The following ARRB1 variants were observed in gnomAD, a reference collection of about 807,000 sequenced individuals.
ARRB1 encodes the protein arrestin beta 1.
In ARRB1, 21 loss-of-function variants were observed where a neutral mutation model predicts 56.8. The observed-to-expected ratio is 0.37, with a 90% CI of 0.26 to 0.53. ARRB1 has a LOEUF of 0.53. Ranked by LOEUF, ARRB1 falls within the 20% of genes least tolerant of loss-of-function variation. The pLI, the probability that ARRB1 is intolerant of heterozygous loss-of-function variation, is 0.88. For synonymous variants in ARRB1, 210 were observed against 218.6 expected, an observed-to-expected ratio of 0.96 and a Z score of 0.35; for missense variants, 424 against 553.7, an observed-to-expected ratio of 0.77 and a Z score of 2.35.
chr11:75,326,863 C>G (rs1446683210), intron 1 of ARRB1, among the ~76,000 whole-genome samples: 1 of 151,814 alleles, frequency 6.6e-6, no homozygotes, highest in Non-Finnish European at 1.5e-5. Flanking sequence ...CCCCACCACA[C>G]CCATGCCTAA....
chr11:75,273,702 GTT>G, intron 11 of ARRB1, among the ~76,000 whole-genome samples: 1 of 6,528 alleles, frequency 1.5e-4, no homozygotes, highest in Admixed American at 3.3e-3. Flanking sequence ...GGCACCCCAT[GTT>G]GGGTCTAACC....
At chr11:75,347,973 T>C (rs1444529283) in intron 1 of ARRB1, among the ~76,000 whole-genome samples, 1 of 152,198 alleles carries the variant, frequency 6.6e-6, no homozygotes, top group African/African-American at 2.4e-5. Flanking sequence ...TTCCTGCTTC[T>C]AGGCCTGCTC....
chr11:75,290,146 A>G, intron 1 of ARRB1, 107 bp from the exon 2 acceptor site: 1 of 1,357,546 alleles, frequency 7.4e-7, no homozygotes, highest in Non-Finnish European at 1.0e-6. Context: ...GGAGTGACTG[A>G]CAGGCACCAT....
In ARRB1 at chr11:75,262,389, G is replaced by C. The variant is rs1318944410; in HGVS notation, c.*3774C>G. ...TGGTTGCTGGGACCACTATTTTTGGGCATGATATTCCTGAATTGTATCTAA... is the reference window on the plus strand; with the variant it reads ...TGGTTGCTGGGACCACTATTTTTGGCCATGATATTCCTGAATTGTATCTAA... On this transcript the variant is annotated 3_prime_UTR_variant, in exon 16 of 16. Coordinates refer to ENST00000420843, the MANE Select transcript of ARRB1 (RefSeq NM_004041.5). 6.6e-6 allele frequency: 1 copy of C among 152,244 alleles called. No individual in the cohort carries two copies. The highest frequency in any genetic ancestry group is 1.5e-5 in the Non-Finnish European group (1 of 68,074). 9.4% of individuals were successfully genotyped at this position (152,244 alleles called of 1,614,324 possible).
At position 75,296,692 on chromosome 11, in the gene ARRB1, T is replaced by C. The variant is rs1206719741; in HGVS notation, c.21-6653A>G. Reference sequence around the variant, plus strand: ...AACAAGGAATTTTTTTTCCTTTTTTTTTTGAGATGGAGTCTCACTCTGTCA... The same window carrying C: ...AACAAGGAATTTTTTTTCCTTTTTTCTTTGAGATGGAGTCTCACTCTGTCA... On this transcript the variant is annotated intron_variant, in intron 1 of 15. Coordinates refer to ENST00000420843, the MANE Select transcript of ARRB1 (RefSeq NM_004041.5). 4.6e-5 allele frequency among the ~76,000 whole-genome samples: 7 copies of C among 152,150 alleles called. No individual in the cohort carries two copies. The East Asian group carries it at 1.3e-3, about 29-fold the overall frequency.
At chr11:75,288,967 G>A (rs1946545049) in intron 2 of ARRB1, among the ~76,000 whole-genome samples, 1 of 152,180 alleles carries the variant, frequency 6.6e-6, no homozygotes, top group South Asian at 2.1e-4. Flanking sequence ...AAATAAGGAT[G>A]ACAAATGGGT....
chr11:75,293,811 G>A (rs1395073808), intron 1 of ARRB1, among the ~76,000 whole-genome samples: 10 of 152,138 alleles, frequency 6.6e-5, no homozygotes, highest in Non-Finnish European at 1.3e-4. Flanking sequence ...GCTGGCGCAG[G>A]ATCTGGGAAG....
chr11:75,288,890 G>A (rs540878277), intron 2 of ARRB1, among the ~76,000 whole-genome samples: 7 of 152,292 alleles, frequency 4.6e-5, no homozygotes, highest in South Asian at 4.1e-4. Context: ...ACTGTGACCA[G>A]CCCTAAAATT....
rs763648706 is a variant in ARRB1, at chr11:75,283,326, G to C, written c.315C>G (p.Ile105Met). 7 of 1,613,514 alleles carry C rather than the reference G, an allele frequency of 4.3e-6. No individual in the cohort carries two copies. Among genetic ancestry groups the C allele is most frequent in the Non-Finnish European group, 5.9e-6 (7 of 1,179,724 alleles). ...GGTAAGCGTGCTCGCCCAGCTTCTT[G>C]ATGAGGCGTTCCTGCAGCCGCGTCA... ...KPLTRLQERL[I>M]KKLGEHAYPF... is the part of the protein sequence containing the mutation. Residue 105 changes from isoleucine to methionine, a missense_variant, in exon 5 of 16, where the codon ATC (isoleucine) becomes ATG (methionine). This residue lies in a region of ARRB1 where 301 missense variants were observed against 387.9 expected (regional missense o/e 0.78). Coordinates refer to ENST00000420843, the MANE Select transcript of ARRB1 (RefSeq NM_004041.5).
chr11:75,267,699 T>C lies in ARRB1; in HGVS notation c.1098A>G (p.Pro366=). The change falls in exon 15 of 16, where the codon CCA becomes CCG. Residue 366 remains proline, a synonymous_variant. Transcript: ENST00000420843. ...PKEEPPHREV[P]ENETPVDTNL... is the part of the protein sequence containing the mutation. ...TGGTATCTACTGGCGTCTCGTTCTC[T>C]GGAACTAAACACAGGGTGGGTGGGC... 1 of 1,392,482 alleles carries C rather than the reference T, an allele frequency of 7.2e-7. No individual in the cohort carries two copies. The highest frequency in any genetic ancestry group is 3.1e-5 in the East Asian group (1 of 32,666). 86.3% of individuals were successfully genotyped at this position (1,392,482 alleles called of 1,614,324 possible). A position where few individuals can be genotyped will look rare whatever the true frequency, so the allele number is the denominator to read the frequency against.
chr11:75,323,198 C>A (rs747089215), intron 1 of ARRB1, among the ~76,000 whole-genome samples: 1 of 152,230 alleles, frequency 6.6e-6, no homozygotes, highest in Admixed American at 6.5e-5. Context: ...CCCAGCGGAG[C>A]TCTTCCCAAA....
At chr11:75,306,460 C>T (rs1591955816) in intron 1 of ARRB1, 1 of 629,944 alleles carries the variant, frequency 1.6e-6, no homozygotes, top group Non-Finnish European at 2.6e-6. Context: ...AGGAAGCACT[C>T]AATGCACATC....
chr11:75,314,362 C>T (rs1947224858), intron 1 of ARRB1, among the ~76,000 whole-genome samples: 2 of 151,804 alleles, frequency 1.3e-5, no homozygotes, highest in South Asian at 4.1e-4. Flanking sequence ...GGTGGCACAG[C>T]TCCCAGGGAT....
At chr11:75,332,873 C>A (rs1479491249) in intron 1 of ARRB1, among the ~76,000 whole-genome samples, 1 of 151,788 alleles carries the variant, frequency 6.6e-6, no homozygotes. Flanking sequence ...CTGGCCTGGG[C>A]GACAGAGTGA....
chr11:75,273,241 G>A (rs933776406), intron 11 of ARRB1, among the ~76,000 whole-genome samples: 2 of 152,132 alleles, frequency 1.3e-5, no homozygotes, highest in Non-Finnish European at 2.9e-5. Flanking sequence ...CCAGGCCAGC[G>A]TCCCCGCCAT....
chr11:75,271,797 C>A, intron 12 of ARRB1, 73 bp from the exon 13 acceptor site: 4 of 1,479,866 alleles, frequency 2.7e-6, no homozygotes, highest in Non-Finnish European at 3.7e-6. Flanking sequence ...AAAGCACATT[C>A]ATTCACCACT....
At chr11:75,272,739 G>A (rs1946099059) in intron 12 of ARRB1, 156 bp downstream of exon 12, 1 of 650,448 alleles carries the variant, frequency 1.5e-6, no homozygotes, top group Admixed American at 2.8e-5. Flanking sequence ...GGGAGAAAGA[G>A]GAACAGAAGG....
At chr11:75,268,000 C>T (rs567260298) in intron 14 of ARRB1, among the ~76,000 whole-genome samples, 2 of 152,334 alleles carry the variant, frequency 1.3e-5, no homozygotes, top group Admixed American at 1.3e-4. Flanking sequence ...ACATTAATTC[C>T]TTGCATGCAT....
intron 1 of ARRB1, among the ~76,000 whole-genome samples, chr11:75,338,073 C>T (rs1439174532): frequency 6.6e-6 from 1 of 152,004 alleles, no homozygotes; most frequent in African/African-American, 2.4e-5. Context: ...CCAAAAAAGT[C>T]AATGCAGCCA....
Sources: allele counts gnomAD v4.1 joint callset (sites outside exome capture counted in the v4.1 genomes callset), GRCh38; gene constraint gnomAD v4.1.1; regional missense constraint gnomAD v4.1.1; transcripts MANE v1.5; gene names NCBI Gene and HGNC (gene_info 2026-07-23, HGNC 2026-07-21).